The following NR3C2 variants were observed in gnomAD, a reference collection of about 807,000 sequenced individuals.
The protein encoded by NR3C2 is mineralocorticoid receptor.
In NR3C2, 15 loss-of-function variants were observed where a neutral mutation model predicts 86.4. That is an observed-to-expected ratio of 0.17 (90% CI 0.12 to 0.27). The LOEUF is 0.27. Among genes scored for constraint, NR3C2 ranks in the 10% least tolerant of loss-of-function variants. NR3C2 has a pLI of 1.00. For synonymous variants in NR3C2, 458 were observed against 450.5 expected (o/e 1.02, Z -0.21); for missense variants, 960 against 1,195.6 (o/e 0.80, Z 2.91).
At chr4:148,389,902 T>C (rs1043630883) in intron 2 of NR3C2, among the ~76,000 whole-genome samples, 20 of 152,108 alleles carry the variant, frequency 1.3e-4, no homozygotes, top group African/African-American at 4.1e-4. Flanking sequence ...CATCAGACTA[T>C]TGAAAAAATC....
intron 2 of NR3C2, among the ~76,000 whole-genome samples, chr4:148,314,814 C>G (rs1743082778): frequency 6.6e-6 from 1 of 152,122 alleles, no homozygotes; most frequent in African/African-American, 2.4e-5. Context: ...TTTCTGATAT[C>G]AAAATAATCA....
At chr4:148,282,991 G>A (rs771597837) in intron 2 of NR3C2, among the ~76,000 whole-genome samples, 5 of 151,978 alleles carry the variant, frequency 3.3e-5, no homozygotes, top group Admixed American at 6.6e-5. Context: ...GAGGTTAGAA[G>A]GAACGGGAAG....
intron 6 of NR3C2, among the ~76,000 whole-genome samples, chr4:148,124,625 T>C (rs535643210): frequency 2.6e-5 from 4 of 152,326 alleles, no homozygotes; most frequent in Admixed American, 2.0e-4. Flanking sequence ...CATACGTAAG[T>C]ATTCCTTCAG....
intron 8 of NR3C2, among the ~76,000 whole-genome samples, chr4:148,083,076 G>A (rs921339851): frequency 1.3e-5 from 2 of 152,198 alleles, no homozygotes; most frequent in African/African-American, 4.8e-5. Context: ...AGCAGCCCCA[G>A]TCAGGGGCTT....
intron 2 of NR3C2, among the ~76,000 whole-genome samples, chr4:148,349,315 T>G (rs1187370390): frequency 6.6e-6 from 1 of 152,148 alleles, no homozygotes; most frequent in East Asian, 1.9e-4. Flanking sequence ...GTCAATGATC[T>G]TTTTATTTGG....
At chr4:148,282,174 C>T (rs771548978) in intron 2 of NR3C2, among the ~76,000 whole-genome samples, 6 of 152,096 alleles carry the variant, frequency 3.9e-5, no homozygotes, top group South Asian at 4.1e-4. Context: ...GGACTACAGG[C>T]GTGCACCACC....
intron 4 of NR3C2, among the ~76,000 whole-genome samples, chr4:148,184,720 A>G (rs1735812649): frequency 2.0e-5 from 3 of 152,194 alleles, no homozygotes; most frequent in Admixed American, 2.0e-4. Context: ...CTTTACAACC[A>G]ATGGCTGTAC....
At chr4:148,302,930 C>A (rs1742416152) in intron 2 of NR3C2, among the ~76,000 whole-genome samples, 1 of 151,812 alleles carries the variant, frequency 6.6e-6, no homozygotes, top group Non-Finnish European at 1.5e-5. Context: ...GAGAAGTTTA[C>A]CCAATTCACA....
In NR3C2 at chr4:148,078,864, T is replaced by G. The variant is rs1434369971; in HGVS notation, c.*2480A>C. On this transcript the variant is annotated 3_prime_UTR_variant, in exon 9 of 9. Coordinates refer to ENST00000358102, the MANE Select transcript of NR3C2 (RefSeq NM_000901.5). The stretch of plus-strand genomic sequence containing the variant: ...ATAAATTGCTTCATTTTAAACTAAT[T>G]TAGTGTTTCTTTAAATTATATGAAC... The G allele has an allele frequency of 1.3e-5, 2 of 152,662 alleles. No homozygotes were observed. Among genetic ancestry groups the G allele is most frequent in the Admixed American group, 6.5e-5 (1 of 15,286 alleles). The allele number at this position is 152,662 out of a possible 1,614,324, so 9.5% of individuals were successfully genotyped here.
intron 1 of NR3C2, among the ~76,000 whole-genome samples, chr4:148,438,572 C>T (rs149056405): frequency 6.6e-6 from 1 of 152,148 alleles, no homozygotes; most frequent in African/African-American, 2.4e-5. Flanking sequence ...CCCTCTTTGT[C>T]ACTATCTCCA....
At chr4:148,092,256 C>T (rs1731093480) in intron 8 of NR3C2, among the ~76,000 whole-genome samples, 2 of 152,128 alleles carry the variant, frequency 1.3e-5, no homozygotes, top group Admixed American at 1.3e-4. Flanking sequence ...TTGTTTTTCT[C>T]ATTTACTTAA....
intron 2 of NR3C2, among the ~76,000 whole-genome samples, chr4:148,427,997 TAC>T (rs1038494827): frequency 6.6e-6 from 1 of 152,222 alleles, no homozygotes; most frequent in Non-Finnish European, 1.5e-5. Flanking sequence ...ATGGGGTGCT[TAC>T]ACAGTTTCAA....
At chr4:148,432,947 T>A (rs922937539) in intron 2 of NR3C2, among the ~76,000 whole-genome samples, 7 of 151,970 alleles carry the variant, frequency 4.6e-5, no homozygotes, top group African/African-American at 1.7e-4. Flanking sequence ...AGCTTTAAAG[T>A]TTTTAGGAAA....
chr4:148,110,669 C>A (rs1162251416), intron 8 of NR3C2, among the ~76,000 whole-genome samples: 1 of 152,178 alleles, frequency 6.6e-6, no homozygotes, highest in Non-Finnish European at 1.5e-5. Flanking sequence ...ATGCTTCTGT[C>A]AGGCCCCCTT....
At chr4:148,243,985 C>T (rs1739193502) in intron 3 of NR3C2, among the ~76,000 whole-genome samples, 1 of 152,194 alleles carries the variant, frequency 6.6e-6, no homozygotes, top group African/African-American at 2.4e-5. Flanking sequence ...GAGAGGCAGA[C>T]AATGGTTTAA....
intron 3 of NR3C2, among the ~76,000 whole-genome samples, chr4:148,244,353 T>G (rs1357462045): frequency 1.3e-5 from 2 of 152,186 alleles, no homozygotes; most frequent in East Asian, 3.8e-4. Context: ...AATTTAAAAT[T>G]GTTAACCGAA....
intron 3 of NR3C2, among the ~76,000 whole-genome samples, chr4:148,256,105 C>A (rs976170507): frequency 1.3e-5 from 2 of 152,202 alleles, no homozygotes; most frequent in East Asian, 1.9e-4. Context: ...AGACTCCCAA[C>A]TGTGGGACTG....
rs1362241076 is a variant in NR3C2, at chr4:148,130,816, TTTG to T, written c.2511-10531_2511-10529del. Among the ~76,000 whole-genome samples, 347 of 68,744 alleles carry T rather than the reference TTTG, an allele frequency of 5.0e-3. 8 individuals are homozygous for T. Among genetic ancestry groups the T allele is most frequent in the Middle Eastern group, 0.015 (2 of 132 alleles). The allele number at this position is 68,744 out of a possible 152,430, so 45.1% of individuals were successfully genotyped here. A position where few individuals can be genotyped will look rare whatever the true frequency, so the allele number is the denominator to read the frequency against. ...TTTTTTTTGTTTTGTTTTGTTTTGTTTTGTTTTTTTTTTTTTTTTTTTTTTGAG... is the reference window on the plus strand; with the variant it reads ...TTTTTTTTGTTTTGTTTTGTTTTGTTTTTTTTTTTTTTTTTTTTTTTTGAG... On this transcript the variant is annotated intron_variant, in intron 6 of 8. Coordinates refer to ENST00000358102, the MANE Select transcript of NR3C2 (RefSeq NM_000901.5).
At chr4:148,375,409 T>C (rs1156526755) in intron 2 of NR3C2, among the ~76,000 whole-genome samples, 1 of 151,382 alleles carries the variant, frequency 6.6e-6, no homozygotes, top group Admixed American at 6.6e-5. Context: ...TGAGCTGAGA[T>C]TGCACCACTG....
Sources: gnomAD v4.1 joint callset for allele counts (sites outside exome capture counted in the v4.1 genomes callset) on GRCh38, gnomAD v4.1.1 for gene constraint, MANE v1.5 for transcripts, NCBI Gene and HGNC (gene_info 2026-07-23, HGNC 2026-07-21) for gene names.